Variants in COL27A1 observed in about 807,000 individuals in gnomAD.
COL27A1 encodes collagen alpha-1(XXVII) chain.
Under a neutral mutation model 251.3 loss-of-function variants are expected in COL27A1, and 106 were observed. The observed-to-expected ratio is 0.42, with a 90% CI of 0.36 to 0.50. COL27A1 has a LOEUF of 0.50. Ranked by LOEUF, COL27A1 falls within the 20% of genes least tolerant of loss-of-function variation. The probability of loss-of-function intolerance (pLI) is 0.00; values close to 1 mark genes in which losing one functional copy is unlikely to be tolerated. For missense variants in COL27A1, 2,325 were observed against 2,522.8 expected, an observed-to-expected ratio of 0.92 and a Z score of 1.68; for synonymous variants, 1,000 against 986.3, an observed-to-expected ratio of 1.01 and a Z score of -0.26.
At chr9:114,308,334 A>G (rs559536775) in intron 59 of COL27A1, among the ~76,000 whole-genome samples, 18 of 152,250 alleles carry the variant, frequency 1.2e-4, no homozygotes, top group Admixed American at 8.5e-4. Context: ...AGCCTTCCGA[A>G]TTTGGGGGCA....
Position 114,275,792 on chromosome 9 carries a change from C to T in COL27A1, c.3717+24C>T, listed in dbSNP as rs1329811116. 5.5e-6 allele frequency: 8 copies of T among 1,467,352 alleles called. 1 individual carries two copies. Among genetic ancestry groups the T allele is most frequent in the East Asian group, 2.5e-5 (1 of 40,160 alleles). The allele number at this position is 1,467,352 out of a possible 1,614,324, so 90.9% of individuals were successfully genotyped here. On this transcript the variant is annotated intron_variant, in intron 37 of 60. Transcript: ENST00000356083. ...GGGTGAGTGTGCAGGCCCCTTGCAG[C>T]GCCTGGAGCTCTGGGGTACCCTGAA...
rs369216744 is a variant in COL27A1 at position 114,243,490 on chromosome 9, C to A, written c.2881-17C>A. The A allele has an allele frequency of 8.8e-5, 142 of 1,613,332 alleles. No individual in the cohort carries two copies. In the East Asian group the frequency reaches 1.1e-3, roughly 13 times the overall value. ...CCCCTGTCCAGCTTCTCCCACTTAC[C>A]TGTCTCTCTGTTGCAGGGTCAGCCT... On this transcript the variant is annotated splice_polypyrimidine_tract_variant and intron_variant, in intron 22 of 60. Coordinates refer to ENST00000356083, the MANE Select transcript of COL27A1 (RefSeq NM_032888.4).
rs767653538 is a variant in COL27A1, at chr9:114,168,204, A to G, written c.649A>G (p.Ser217Gly). The G allele has an allele frequency of 6.2e-7, 1 of 1,613,990 alleles. No individual in the cohort carries two copies. Among genetic ancestry groups the G allele is most frequent in the Non-Finnish European group, 8.5e-7 (1 of 1,180,026 alleles). ...GTTTGAAGGTGCTCTCTGCCAGTTC[A>G]GTATCTACCCTGTGACGCAGGTCGC... ...VQFEGALCQF[S>G]IYPVTQVAHN... Residue 217 changes from serine to glycine, a missense_variant, in exon 3 of 61, where the codon AGT (serine) becomes GGT (glycine). Ser to Gly is a moderately conservative substitution (Grantham distance 56). Coordinates refer to ENST00000356083, the MANE Select transcript of COL27A1 (RefSeq NM_032888.4).
intron 59 of COL27A1, 108 bp downstream of exon 59, chr9:114,307,886 C>A: frequency 1.4e-6 from 1 of 721,070 alleles, no homozygotes; most frequent in South Asian, 1.8e-5. Context: ...TGTCTTACTG[C>A]ATGCCCTTGG....
chr9:114,157,842 G>A (rs902388667), intron 1 of COL27A1, among the ~76,000 whole-genome samples: 1 of 151,848 alleles, frequency 6.6e-6, no homozygotes, highest in Non-Finnish European at 1.5e-5. Context: ...CCACAAAACC[G>A]GCACCTTATT....
chr9:114,304,695 A>G (rs998643988), intron 57 of COL27A1, 22 bp downstream of exon 57: 2 of 1,609,164 alleles, frequency 1.2e-6, no homozygotes, highest in Non-Finnish European at 1.7e-6. Flanking sequence ...GGCTCTCCCC[A>G]TGTGGGATCC....
At chr9:114,207,881 T>C (rs10982101) in intron 10 of COL27A1, among the ~76,000 whole-genome samples, 6,178 of 152,286 alleles carry the variant, frequency 0.041, 149 homozygotes, top group Middle Eastern at 0.065. Context: ...CTCTTTCAGA[T>C]TATGGATATT....
chr9:114,226,778 A>C (rs1831500554), intron 14 of COL27A1, among the ~76,000 whole-genome samples: 1 of 152,236 alleles, frequency 6.6e-6, no homozygotes, highest in Non-Finnish European at 1.5e-5. Context: ...GCACCTCCTC[A>C]GAGCTGTGCC....
chr9:114,269,085 G>T (rs1286684302), intron 34 of COL27A1, 156 bp from the exon 35 acceptor site: 7 of 565,118 alleles, frequency 1.2e-5, no homozygotes, highest in East Asian at 3.0e-5. Context: ...AGCTCTGGTT[G>T]GTGTTTTACG....
intron 59 of COL27A1, among the ~76,000 whole-genome samples, chr9:114,307,997 T>G (rs1435864457): frequency 6.6e-6 from 1 of 152,260 alleles, no homozygotes. Flanking sequence ...CATATGATGC[T>G]GATGATTCTT....
rs5900075 is a variant in COL27A1 at position 114,224,648 on chromosome 9, C to CTTTT, written c.2466+2400_2466+2403dup. On this transcript the variant is annotated intron_variant, in intron 14 of 60. Transcript: ENST00000356083. ...CTATAGCATCATAGCCCTCCTGGTT[C>CTTTT]TTTTTTTTTTTTTTTTTTTTTTGAG... is the stretch of plus-strand genomic sequence containing the variant. 2.0e-3 allele frequency among the ~76,000 whole-genome samples: 190 copies of CTTTT among 97,294 alleles called. 3 individuals carry two copies. Among genetic ancestry groups the CTTTT allele is most frequent in the African/African-American group, 2.7e-3 (66 of 24,002 alleles). The allele number at this position is 97,294 out of a possible 152,430, so 63.8% of individuals were successfully genotyped here. A position where few individuals can be genotyped will look rare whatever the true frequency, so the allele number is the denominator to read the frequency against.
intron 27 of COL27A1, among the ~76,000 whole-genome samples, chr9:114,258,103 G>A (rs553873821): frequency 4.6e-5 from 7 of 152,250 alleles, no homozygotes; most frequent in African/African-American, 9.6e-5. Flanking sequence ...AGGCTGAGGC[G>A]GGGGGATCAC....
intron 55 of COL27A1, 106 bp downstream of exon 55, chr9:114,301,823 G>T (rs574290506): frequency 2.9e-5 from 33 of 1,155,546 alleles, no homozygotes; most frequent in Non-Finnish European, 3.6e-5. Flanking sequence ...CCCCACAGGG[G>T]TTCTTGTAGC....
chr9:114,221,701 C>T (rs1831122721), intron 13 of COL27A1, among the ~76,000 whole-genome samples: 1 of 152,132 alleles, frequency 6.6e-6, no homozygotes, highest in African/African-American at 2.4e-5. Flanking sequence ...CTCTGGGGGC[C>T]CCTGGAAGAA....
chr9:114,262,938 A>ATTTTTTTTTTTTTTT (rs386415960), intron 28 of COL27A1, among the ~76,000 whole-genome samples: 1 of 127,074 alleles, frequency 7.9e-6, no homozygotes, highest in African/African-American at 3.0e-5. Context: ...TCCTTGTTTG[A>ATTTTTTTTTTTTTTT]TTTTTTTTTT....
At chr9:114,216,213 C>T (rs1380611641) in intron 12 of COL27A1, among the ~76,000 whole-genome samples, 1 of 152,228 alleles carries the variant, frequency 6.6e-6, no homozygotes, top group African/African-American at 2.4e-5. Flanking sequence ...GTGTTCAGTT[C>T]TCCAGAGGGG....
chr9:114,244,692 C>T (rs1186008846), intron 23 of COL27A1, among the ~76,000 whole-genome samples: 3 of 152,230 alleles, frequency 2.0e-5, no homozygotes, highest in East Asian at 1.9e-4. Context: ...GGAGGCTCCA[C>T]CCAGGCTTGC....
At chr9:114,219,523 T>C (rs749973124) in intron 12 of COL27A1, among the ~76,000 whole-genome samples, 1 of 152,166 alleles carries the variant, frequency 6.6e-6, no homozygotes, top group Non-Finnish European at 1.5e-5. Context: ...GATCTCAGAA[T>C]AGGGGATTGG....
At chr9:114,255,981 C>T (rs1344289713) in intron 27 of COL27A1, among the ~76,000 whole-genome samples, 1 of 152,212 alleles carries the variant, frequency 6.6e-6, no homozygotes, top group Non-Finnish European at 1.5e-5. Flanking sequence ...TGGTGCAGTG[C>T]ATGATGTGGT....
Sources: allele counts gnomAD v4.1 joint callset (sites outside exome capture counted in the v4.1 genomes callset), GRCh38; gene constraint gnomAD v4.1.1; transcripts MANE v1.5; gene names NCBI Gene and HGNC (gene_info 2026-07-23, HGNC 2026-07-21).